The following ARHGAP18 variants were observed in gnomAD, a reference collection of about 807,000 sequenced individuals.
ARHGAP18 encodes Rho GTPase activating protein 18, also known as rho GTPase-activating protein 18.
A neutral mutation model predicts 86.2 loss-of-function variants in ARHGAP18; 67 were observed. The observed-to-expected ratio is 0.78, with a 90% CI of 0.64 to 0.95. The LOEUF is 0.95. ARHGAP18 is among the 40% of genes least tolerant of loss of function. The pLI is 0.00. For missense variants in ARHGAP18, 691 were observed against 780.4 expected (o/e 0.89, Z 1.37); for synonymous variants, 283 against 280.4 (o/e 1.01, Z -0.09).
rs554772581 is a variant in ARHGAP18 at position 129,659,456 on chromosome 6, T to A, written c.114-17438A>T. Among the ~76,000 whole-genome samples, 173 of 151,126 alleles carry A rather than the reference T, an allele frequency of 1.1e-3. 1 individual carries two copies. Among genetic ancestry groups the A allele is most frequent in the East Asian group, 7.6e-3 (39 of 5,128 alleles). On this transcript the variant is annotated intron_variant, in intron 1 of 14. Coordinates refer to ENST00000368149, the MANE Select transcript of ARHGAP18 (RefSeq NM_033515.3). ...TTCAGACAAGATAGGCCTAGAATTTTTTTTATTTTATTTTATTTTATTTTT... is the reference window on the plus strand; with the variant it reads ...TTCAGACAAGATAGGCCTAGAATTTATTTTATTTTATTTTATTTTATTTTT...
chr6:129,620,725 G>A (rs570967646), intron 5 of ARHGAP18, among the ~76,000 whole-genome samples: 10 of 152,032 alleles, frequency 6.6e-5, no homozygotes, highest in East Asian at 1.9e-4. Flanking sequence ...ACACTTCATC[G>A]TCTAAATGCT....
rs1479879665 is a variant in ARHGAP18, at chr6:129,625,082, GAT to G, written c.786+4269_786+4270del. Reference sequence around the variant, plus strand: ...ATATATATTTATATATAATATATATGATATATGATATATGATATATATTATAT... The same window carrying G: ...ATATATATTTATATATAATATATATGATATGATATATGATATATATTATAT... On this transcript the variant is annotated intron_variant, in intron 5 of 14. Coordinates refer to ENST00000368149, the MANE Select transcript of ARHGAP18 (RefSeq NM_033515.3). Among the ~76,000 whole-genome samples, 14 of 74,798 alleles carry G rather than the reference GAT, an allele frequency of 1.9e-4. 3 individuals are homozygous for G. The highest frequency in any genetic ancestry group is 3.1e-4 in the African/African-American group (6 of 19,404). 49.1% of individuals were successfully genotyped at this position (74,798 alleles called of 152,430 possible). A position where few individuals can be genotyped will look rare whatever the true frequency, so the allele number is the denominator to read the frequency against.
chr6:129,659,492 CAG>C (rs778587794), intron 1 of ARHGAP18, among the ~76,000 whole-genome samples: 2 of 151,846 alleles, frequency 1.3e-5, no homozygotes, highest in African/African-American at 2.4e-5. Flanking sequence ...TATTTTGAGG[CAG>C]AGTCTCACTG....
intron 1 of ARHGAP18, among the ~76,000 whole-genome samples, chr6:129,659,675 T>C (rs1408690219): frequency 1.3e-5 from 2 of 152,176 alleles, no homozygotes; most frequent in Admixed American, 1.3e-4. Flanking sequence ...TTTCGGCATG[T>C]CGGCCAGGCT....
chr6:129,701,245 C>T (rs2097506), intron 1 of ARHGAP18, among the ~76,000 whole-genome samples: 122,094 of 152,090 alleles, frequency 0.8, 49,128 homozygotes, highest in South Asian at 0.87. Flanking sequence ...ATTAACTTTG[C>T]GAAGCAGGAA....
intron 12 of ARHGAP18, among the ~76,000 whole-genome samples, chr6:129,584,579 A>G (rs962968884): frequency 1.3e-5 from 2 of 152,112 alleles, no homozygotes; most frequent in East Asian, 1.9e-4. Flanking sequence ...TTCTATTTTT[A>G]TTGTCTGTTC....
chr6:129,598,217 AT>A (rs1788660161), intron 12 of ARHGAP18, among the ~76,000 whole-genome samples: 1 of 152,226 alleles, frequency 6.6e-6, no homozygotes, highest in African/African-American at 2.4e-5. Context: ...TTCTAAAAAA[AT>A]AAGCATATTT....
intron 1 of ARHGAP18, among the ~76,000 whole-genome samples, chr6:129,693,266 A>G (rs765211684): frequency 1.3e-5 from 2 of 152,202 alleles, no homozygotes; most frequent in Non-Finnish European, 2.9e-5. Context: ...TTACTATACT[A>G]TTTCTAAGGT....
At chr6:129,627,345 G>T (rs1789500813) in intron 5 of ARHGAP18, among the ~76,000 whole-genome samples, 1 of 151,716 alleles carries the variant, frequency 6.6e-6, no homozygotes, top group Admixed American at 6.6e-5. Context: ...ATAAATTAAT[G>T]GATCCAGGTA....
intron 7 of ARHGAP18, among the ~76,000 whole-genome samples, chr6:129,614,381 G>A (rs1176341319): frequency 6.6e-6 from 1 of 152,114 alleles, no homozygotes; most frequent in East Asian, 1.9e-4. Flanking sequence ...ACAGATGAGT[G>A]TTATCTACAA....
intron 10 of ARHGAP18, among the ~76,000 whole-genome samples, chr6:129,601,128 C>T (rs576417004): frequency 2.6e-5 from 4 of 152,252 alleles, no homozygotes; most frequent in African/African-American, 9.6e-5. Context: ...AAGTGTCAGA[C>T]CTCTGGCCTA....
intron 1 of ARHGAP18, 65 bp downstream of exon 1, chr6:129,709,959 C>T (rs1164318722): frequency 9.7e-6 from 13 of 1,345,034 alleles, no homozygotes; most frequent in Non-Finnish European, 1.4e-5. Context: ...CGCCAACTTC[C>T]CTGTCACTTT....
chr6:129,633,858 C>A (rs1033853051), intron 4 of ARHGAP18, among the ~76,000 whole-genome samples, 184 bp downstream of exon 4: 3 of 152,142 alleles, frequency 2.0e-5, no homozygotes, highest in Non-Finnish European at 2.9e-5. Flanking sequence ...TAGGAATACA[C>A]ATTAAAAGAA....
chr6:129,699,248 A>T (rs181010092), intron 1 of ARHGAP18, among the ~76,000 whole-genome samples: 1 of 152,358 alleles, frequency 6.6e-6, no homozygotes, highest in African/African-American at 2.4e-5. Flanking sequence ...TCCCAAATCA[A>T]TGACAAATGT....
rs1486202246 is a variant in ARHGAP18, at chr6:129,634,123, G to T, written c.553-18C>A. ...CCTGGAGCCTAAACATAGAAAACAG[G>T]CCATTTAGTCATCTCCAACTCAAAA... On this transcript the variant is annotated intron_variant, in intron 3 of 14. Transcript: ENST00000368149. 3.1e-6 allele frequency: 5 copies of T among 1,611,016 alleles called. No homozygotes were observed. In the Admixed American group the frequency reaches 5.0e-5, roughly 16 times the overall value.
chr6:129,602,987 TTA>T (rs34563210), intron 10 of ARHGAP18, among the ~76,000 whole-genome samples: 6 of 146,748 alleles, frequency 4.1e-5, no homozygotes, highest in Admixed American at 6.8e-5. Context: ...AATTTCCCCT[TTA>T]TATATATATA....
intron 13 of ARHGAP18, among the ~76,000 whole-genome samples, chr6:129,582,643 T>A (rs1245914155): frequency 6.6e-6 from 1 of 152,128 alleles, no homozygotes; most frequent in African/African-American, 2.4e-5. Context: ...CAGGACATAA[T>A]CTCCAAAAAC....
At chr6:129,647,657 G>T (rs565691477) in intron 1 of ARHGAP18, among the ~76,000 whole-genome samples, 11 of 150,656 alleles carry the variant, frequency 7.3e-5, no homozygotes, top group African/African-American at 2.5e-4. Context: ...TTTTGGCTTC[G>T]TTCTGTTTTA....
At chr6:129,706,885 CAAAAAAAA>C (rs34099358) in intron 1 of ARHGAP18, among the ~76,000 whole-genome samples, 2 of 61,042 alleles carry the variant, frequency 3.3e-5, no homozygotes, top group Non-Finnish European at 6.0e-5. Context: ...GACTCTGTCT[CAAAAAAAA>C]AAAAAAAAAA....
Sources: gnomAD v4.1 joint callset for allele counts (sites outside exome capture counted in the v4.1 genomes callset) on GRCh38, gnomAD v4.1.1 for gene constraint, MANE v1.5 for transcripts, NCBI Gene and HGNC (gene_info 2026-07-23, HGNC 2026-07-21) for gene names.